Variants in PTPRT observed in about 807,000 individuals in gnomAD.
The protein encoded by PTPRT is receptor-type tyrosine-protein phosphatase T.
Under a neutral mutation model 176.8 loss-of-function variants are expected in PTPRT, and 56 were observed. That is an observed-to-expected ratio of 0.32 (90% CI 0.26 to 0.40). The LOEUF (loss-of-function observed/expected upper bound fraction) is 0.40. Ranked by LOEUF, PTPRT falls within the 10% of genes least tolerant of loss-of-function variation. PTPRT has a pLI of 1.00. For synonymous variants in PTPRT, 783 were observed against 739.0 expected, an observed-to-expected ratio of 1.06 and a Z score of -0.96; for missense variants, 1,540 against 1,908.2, an observed-to-expected ratio of 0.81 and a Z score of 3.60.
At chr20:42,519,756 C>T (rs1424409943) in intron 7 of PTPRT, among the ~76,000 whole-genome samples, 1 of 151,962 alleles carries the variant, frequency 6.6e-6, no homozygotes, top group African/African-American at 2.4e-5. Flanking sequence ...ACATAGAATT[C>T]TTTAATTTTT....
At chr20:42,303,104 C>T (rs565423502) in intron 12 of PTPRT, among the ~76,000 whole-genome samples, 1 of 152,172 alleles carries the variant, frequency 6.6e-6, no homozygotes, top group Admixed American at 6.5e-5. Context: ...GCTGGCAACC[C>T]CCTGGTTTAA....
chr20:42,327,193 T>A (rs2145421384), intron 11 of PTPRT, among the ~76,000 whole-genome samples: 1 of 151,970 alleles, frequency 6.6e-6, no homozygotes, highest in South Asian at 2.1e-4. Flanking sequence ...ATTTTATCAC[T>A]TAGTGTTTCA....
chr20:43,002,356 T>A (rs78930859), intron 1 of PTPRT, among the ~76,000 whole-genome samples: 1 of 99,356 alleles, frequency 1.0e-5, no homozygotes, highest in Non-Finnish European at 2.4e-5. Context: ...AGAAAGATAA[T>A]AAGTATTAAC....
chr20:42,859,796 G>A (rs1297738741), intron 2 of PTPRT, among the ~76,000 whole-genome samples: 2 of 150,782 alleles, frequency 1.3e-5, no homozygotes, highest in East Asian at 2.0e-4. Flanking sequence ...GTTTCACTGT[G>A]TTAGCCAGAA....
At chr20:43,091,317 G>C (rs1187878048) in intron 1 of PTPRT, among the ~76,000 whole-genome samples, 1 of 152,050 alleles carries the variant, frequency 6.6e-6, no homozygotes, top group Non-Finnish European at 1.5e-5. Context: ...GAAGGAATGG[G>C]GATTTTAAGT....
At chr20:42,606,949 G>A (rs903072759) in intron 7 of PTPRT, 1 of 152,128 alleles carries the variant, frequency 6.6e-6, no homozygotes, top group Non-Finnish European at 1.5e-5. Flanking sequence ...AGCAACCCAA[G>A]TGCTCATGGA....
rs1600739043 is a variant in PTPRT, at chr20:43,136,909, G to GCCTTCCCCAGGGTCCCCAGCAGC, written c.88+52714_88+52736dup. Among the ~76,000 whole-genome samples, 5 of 152,222 alleles carry GCCTTCCCCAGGGTCCCCAGCAGC rather than the reference G, an allele frequency of 3.3e-5. No homozygotes were observed. In the East Asian group the frequency reaches 9.6e-4, roughly 29 times the overall value. ...GTTTATTTGAAGACGTTTCTTTGTG[G>GCCTTCCCCAGGGTCCCCAGCAGC]CCTTCCCCAGGGTCCCCAGCAGCCC... On this transcript the variant is annotated intron_variant, in intron 1 of 30. Coordinates refer to ENST00000373187, the MANE Select transcript of PTPRT (RefSeq NM_007050.6).
At chr20:42,476,789 C>T (rs987970840) in intron 7 of PTPRT, among the ~76,000 whole-genome samples, 2 of 152,102 alleles carry the variant, frequency 1.3e-5, no homozygotes, top group Non-Finnish European at 2.9e-5. Flanking sequence ...CACTTGTGTC[C>T]TAAAAACAAC....
At chr20:42,968,457 C>G (rs147965572) in intron 1 of PTPRT, among the ~76,000 whole-genome samples, 1,577 of 152,196 alleles carry the variant, frequency 0.01, 23 homozygotes, top group African/African-American at 0.036. Flanking sequence ...AACACACAAA[C>G]TGGCAAAGTT....
In PTPRT at chr20:42,345,578, ATATATG is replaced by A. The variant is rs772305632; in HGVS notation, c.1865+5044_1865+5049del. On this transcript the variant is annotated intron_variant, in intron 11 of 30. Coordinates refer to ENST00000373187, the MANE Select transcript of PTPRT (RefSeq NM_007050.6). ...CACACACACATATATATACATACAT[ATATATG>A]TGTGTGTGTGTGTGTGTGTGTGTGT... is the stretch of plus-strand genomic sequence containing the variant. Among the ~76,000 whole-genome samples, 57 of 48,492 alleles carry A rather than the reference ATATATG, an allele frequency of 1.2e-3. 2 individuals carry two copies. The highest frequency in any genetic ancestry group is 9.8e-3 in the Middle Eastern group (1 of 102). The allele number at this position is 48,492 out of a possible 152,430, so 31.8% of individuals were successfully genotyped here. A position where few individuals can be genotyped will look rare whatever the true frequency, so the allele number is the denominator to read the frequency against.
intron 12 of PTPRT, among the ~76,000 whole-genome samples, chr20:42,284,495 A>G (rs1001440206): frequency 6.6e-6 from 1 of 152,060 alleles, no homozygotes; most frequent in African/African-American, 2.4e-5. Context: ...CATCCAGATC[A>G]TTAATATAAG....
chr20:42,810,053 G>C (rs2077676159), intron 2 of PTPRT, among the ~76,000 whole-genome samples: 1 of 152,194 alleles, frequency 6.6e-6, no homozygotes, highest in South Asian at 2.1e-4. Flanking sequence ...AGCACTTTGG[G>C]AGGCCGAAGT....
intron 1 of PTPRT, among the ~76,000 whole-genome samples, chr20:43,087,363 CTT>C (rs1207811758): frequency 0.024 from 1,201 of 50,172 alleles, 11 homozygotes; most frequent in African/African-American, 0.05. Context: ...ACTGTCCGTC[CTT>C]TTTTTTTTTT....
At chr20:42,897,724 AT>A (rs201495171) in intron 1 of PTPRT, among the ~76,000 whole-genome samples, 1 of 151,468 alleles carries the variant, frequency 6.6e-6, no homozygotes, top group East Asian at 1.9e-4. Context: ...AAGCTCTGCT[AT>A]TTTTTTTTAC....
intron 1 of PTPRT, among the ~76,000 whole-genome samples, chr20:43,171,896 C>T (rs1391799134): frequency 6.6e-6 from 1 of 152,210 alleles, no homozygotes; most frequent in African/African-American, 2.4e-5. Context: ...TCTCCTCCTG[C>T]CATACCATCT....
intron 27 of PTPRT, among the ~76,000 whole-genome samples, chr20:42,088,318 C>T (rs1056452595): frequency 6.6e-6 from 1 of 152,164 alleles, no homozygotes; most frequent in Non-Finnish European, 1.5e-5. Context: ...AAATAGGGGG[C>T]TAGATGGACA....
At chr20:42,880,473 C>T (rs543432185) in intron 2 of PTPRT, among the ~76,000 whole-genome samples, 1 of 152,194 alleles carries the variant, frequency 6.6e-6, no homozygotes, top group African/African-American at 2.4e-5. Flanking sequence ...GATATAGAAG[C>T]AAGCCACCCA....
At chr20:42,042,944 C>A in the PTPRT span, among the ~76,000 whole-genome samples, 1 of 152,230 alleles carries the variant, frequency 6.6e-6, no homozygotes, top group African/African-American at 2.4e-5. Flanking sequence ...ACCAGCCCAT[C>A]CAGGTATGTG....
intron 6 of PTPRT, among the ~76,000 whole-genome samples, chr20:42,704,391 G>C (rs180877220): frequency 1.3e-3 from 201 of 150,866 alleles, no homozygotes; most frequent in Non-Finnish European, 1.2e-3. Flanking sequence ...TCAACTATGG[G>C]TGTGTTCCTA....
Sources: allele counts gnomAD v4.1 joint callset (sites outside exome capture counted in the v4.1 genomes callset), GRCh38; gene constraint gnomAD v4.1.1; transcripts MANE v1.5; gene names NCBI Gene and HGNC (gene_info 2026-07-23, HGNC 2026-07-21).